The following TMEM272 variants were observed in gnomAD, a reference collection of about 807,000 sequenced individuals.
TMEM272 encodes the protein long intergenic non-protein coding RNA 282.
In TMEM272, 8 loss-of-function variants were observed where a neutral mutation model predicts 3.7. The observed-to-expected ratio is 2.17, with a 90% CI of 1.27 to 3.91. TMEM272 has a LOEUF of 3.91. TMEM272 is among the 30% of genes most tolerant of loss of function. TMEM272 has a pLI of 0.00. For missense variants in TMEM272, 166 were observed against 91.5 expected, an observed-to-expected ratio of 1.81 and a Z score of -3.32; for synonymous variants, 63 against 39.8, an observed-to-expected ratio of 1.58 and a Z score of -2.20.
chr13:51,873,668 T>C, the TMEM272 span, among the ~76,000 whole-genome samples: 1 of 152,194 alleles, frequency 6.6e-6, no homozygotes, highest in East Asian at 1.9e-4. Context: ...GTAATTGGGA[T>C]GTTCTTCCCT....
At chr13:51,916,171 G>T in the TMEM272 span, among the ~76,000 whole-genome samples, 1 of 152,204 alleles carries the variant, frequency 6.6e-6, no homozygotes, top group Non-Finnish European at 1.5e-5. Flanking sequence ...AATTACAAGT[G>T]AAATATTAAT....
At chr13:51,875,273 T>C in the TMEM272 span, among the ~76,000 whole-genome samples, 1 of 152,026 alleles carries the variant, frequency 6.6e-6, no homozygotes, top group Non-Finnish European at 1.5e-5. Flanking sequence ...ACACAACCAG[T>C]AAAAGGTGGA....
the TMEM272 span, chr13:51,865,312 C>T: frequency 7.3e-7 from 1 of 1,364,230 alleles, no homozygotes; most frequent in East Asian, 2.3e-5. Flanking sequence ...ATAGATCTGT[C>T]TTTTCTGCTG....
chr13:51,839,616 C>G (rs918961590), intron 1 of TMEM272, among the ~76,000 whole-genome samples: 41 of 152,240 alleles, frequency 2.7e-4, no homozygotes, highest in Admixed American at 9.2e-4. Context: ...GCAGCACTAC[C>G]TGCAGGCCCT....
the TMEM272 span, among the ~76,000 whole-genome samples, chr13:51,882,962 C>G: frequency 1.6e-4 from 25 of 152,324 alleles, no homozygotes; most frequent in Admixed American, 5.9e-4. Context: ...TGGCCTGGTT[C>G]CTGTGCCCAC....
the TMEM272 span, among the ~76,000 whole-genome samples, chr13:51,866,784 T>C: frequency 6.6e-6 from 1 of 152,178 alleles, no homozygotes; most frequent in African/African-American, 2.4e-5. Context: ...AGTTGACCCA[T>C]GGAGTGGCCT....
chr13:51,835,687 G>A (rs1228895476), intron 2 of TMEM272, among the ~76,000 whole-genome samples: 1 of 152,198 alleles, frequency 6.6e-6, no homozygotes, highest in Non-Finnish European at 1.5e-5. Context: ...TCAGGCCAAG[G>A]AGGCCAATTT....
chr13:51,873,823 C>T, the TMEM272 span, among the ~76,000 whole-genome samples: 1 of 152,238 alleles, frequency 6.6e-6, no homozygotes, highest in Non-Finnish European at 1.5e-5. Context: ...GGTCACCCAT[C>T]TTCTAGCAGA....
chr13:51,903,026 G>C, the TMEM272 span, among the ~76,000 whole-genome samples: 1 of 151,860 alleles, frequency 6.6e-6, no homozygotes. Flanking sequence ...CCTGGGCAAG[G>C]CACCAATAGC....
chr13:51,909,977 A>G, the TMEM272 span: 1 of 1,582,284 alleles, frequency 6.3e-7, no homozygotes, highest in African/African-American at 1.3e-5. Flanking sequence ...GAAGTTGACA[A>G]TTTTCACTCG....
At chr13:51,818,769 G>C (rs1375827232) in intron 4 of TMEM272, among the ~76,000 whole-genome samples, 3 of 152,216 alleles carry the variant, frequency 2.0e-5, no homozygotes, top group African/African-American at 7.2e-5. Flanking sequence ...CTTATGTAAA[G>C]ATACAAAACC....
chr13:51,834,636 C>A (rs924517077), intron 2 of TMEM272, among the ~76,000 whole-genome samples: 13 of 152,104 alleles, frequency 8.5e-5, no homozygotes, highest in Admixed American at 7.9e-4. Flanking sequence ...GCAAACACCA[C>A]CTAGAGTCAC....
chr13:51,926,162 ATG>A, the TMEM272 span, among the ~76,000 whole-genome samples: 1 of 151,014 alleles, frequency 6.6e-6, no homozygotes, highest in African/African-American at 2.4e-5. Flanking sequence ...TGTGTGGTGT[ATG>A]TGTGTGTGTC....
rs1479705577 is a variant in TMEM272, at chr13:51,838,508, G to A, written c.23C>T (p.Thr8Met). ...GATTTTAGAAATGCACTGATGACACGTTTTCTCCAGACCTCCTGGCATTGT... is the reference window on the plus strand; with the variant it reads ...GATTTTAGAAATGCACTGATGACACATTTTCTCCAGACCTCCTGGCATTGT... The part of the protein sequence containing the change: MPGGLEK[T>M]CHQCISKIAS... Residue 8 changes from threonine (T) to methionine (M), a missense_variant, in exon 2 of 5, where the codon ACG becomes ATG. By Grantham distance (81) the Thr-to-Met change is moderately conservative. Coordinates refer to ENST00000629372, the MANE Select transcript of TMEM272 (RefSeq NM_001351003.2). The A allele has an allele frequency of 1.0e-5, 7 of 702,888 alleles. No homozygotes were observed. Among genetic ancestry groups the A allele is most frequent in the Middle Eastern group, 4.6e-4 (2 of 4,392 alleles). 43.5% of individuals were successfully genotyped at this position (702,888 alleles called of 1,614,324 possible).
At chr13:51,882,224 AC>A in the TMEM272 span, among the ~76,000 whole-genome samples, 1 of 152,160 alleles carries the variant, frequency 6.6e-6, no homozygotes, top group Non-Finnish European at 1.5e-5. Flanking sequence ...TCATTTAGTT[AC>A]CCTAGCTGTT....
At chr13:51,875,578 C>T in the TMEM272 span, among the ~76,000 whole-genome samples, 1 of 152,176 alleles carries the variant, frequency 6.6e-6, no homozygotes, top group South Asian at 2.1e-4. Flanking sequence ...TGGAATTCTA[C>T]CCACCTACCC....
At chr13:51,876,884 C>T in the TMEM272 span, among the ~76,000 whole-genome samples, 1 of 152,112 alleles carries the variant, frequency 6.6e-6, no homozygotes, top group Admixed American at 6.6e-5. Context: ...AGCTGGAGAG[C>T]AGGATGGTGA....
At chr13:51,903,716 C>T in the TMEM272 span, among the ~76,000 whole-genome samples, 4 of 152,012 alleles carry the variant, frequency 2.6e-5, no homozygotes, top group East Asian at 1.9e-4. Flanking sequence ...CAGTGGCAAC[C>T]GAAAAATGAA....
intron 2 of TMEM272, among the ~76,000 whole-genome samples, chr13:51,833,803 C>G (rs942489382): frequency 6.6e-6 from 1 of 152,160 alleles, no homozygotes; most frequent in African/African-American, 2.4e-5. Context: ...TTCCACAATA[C>G]TGATGTTGCC....
Sources: allele counts gnomAD v4.1 joint callset (sites outside exome capture counted in the v4.1 genomes callset), GRCh38; gene constraint gnomAD v4.1.1; transcripts MANE v1.5; gene names NCBI Gene and HGNC (gene_info 2026-07-23, HGNC 2026-07-21).